Variants in ZNF316 observed in about 807,000 individuals in gnomAD.
ZNF316 encodes the protein zinc finger protein 316.
Under a neutral mutation model 75.6 loss-of-function variants are expected in ZNF316, and 23 were observed. The observed-to-expected ratio is 0.30, with a 90% CI of 0.22 to 0.43. The LOEUF is 0.43. Ranked by LOEUF, ZNF316 falls within the 20% of genes least tolerant of loss-of-function variation. ZNF316 has a pLI of 1.00. For synonymous variants in ZNF316, 827 were observed against 666.2 expected, an observed-to-expected ratio of 1.24 and a Z score of -3.72; for missense variants, 1,266 against 1,409.4, an observed-to-expected ratio of 0.90 and a Z score of 1.63.
intron 8 of ZNF316, among the ~76,000 whole-genome samples, chr7:6,646,622 C>T (rs1483476003): frequency 6.6e-6 from 1 of 151,958 alleles, no homozygotes; most frequent in East Asian, 1.9e-4. Flanking sequence ...TGCCCCCCGG[C>T]CCTGAGTGGG....
Position 6,656,981 on chromosome 7 carries a change from A to G in ZNF316, c.*2370A>G, listed in dbSNP as rs895038822. On this transcript the variant is annotated 3_prime_UTR_variant, in exon 9 of 9. Coordinates refer to ENST00000382252, the MANE Select transcript of ZNF316 (RefSeq NM_001278559.2). Reference sequence around the variant, plus strand: ...GGTCTGAAAAATAAGAACTGCTGTAATCAAATGTGATCTGGAGGCATCAGA... The same window carrying G: ...GGTCTGAAAAATAAGAACTGCTGTAGTCAAATGTGATCTGGAGGCATCAGA... Among the ~76,000 whole-genome samples the G allele has an allele frequency of 3.9e-5, 6 of 152,140 alleles. No homozygotes were observed. The highest frequency in any genetic ancestry group is 8.8e-5 in the Non-Finnish European group (6 of 68,028).
Position 6,654,681 on chromosome 7 carries a change from C to G in ZNF316, c.*70C>G, listed in dbSNP as rs1779586393. 2.7e-6 allele frequency: 3 copies of G among 1,127,430 alleles called. No homozygotes were observed. Among genetic ancestry groups the G allele is most frequent in the South Asian group, 8.8e-5 (2 of 22,834 alleles). The allele number at this position is 1,127,430 out of a possible 1,614,324, so 69.8% of individuals were successfully genotyped here. On this transcript the variant is annotated 3_prime_UTR_variant, in exon 9 of 9. Transcript: ENST00000382252. ...CCTCCCTTGGACGGCCGGCCCCCCGCTCCTCGGGCCCCGGGAGGCTGAGGG... is the reference window on the plus strand; with the variant it reads ...CCTCCCTTGGACGGCCGGCCCCCCGGTCCTCGGGCCCCGGGAGGCTGAGGG...
rs1238714419 is a variant in ZNF316, at chr7:6,639,560, G to T, written c.-167+419G>T. Among the ~76,000 whole-genome samples, 3 of 152,306 alleles carry T rather than the reference G, an allele frequency of 2.0e-5. No homozygotes were observed. Among genetic ancestry groups the T allele is most frequent in the Middle Eastern group, 3.4e-3 (1 of 294 alleles). On this transcript the variant is annotated intron_variant, in intron 3 of 8. Coordinates refer to ENST00000382252, the MANE Select transcript of ZNF316 (RefSeq NM_001278559.2). The surrounding 1 kb of genome is among the most constrained non-coding windows in gnomAD (Gnocchi z 4.2). ...ATAACACACACACGGCCTGAGATGA[G>T]ATGAACATGCAGCCACTTTATTCCA...
Position 6,652,617 on chromosome 7 carries a change from G to C in ZNF316, c.1021G>C (p.Gly341Arg), listed in dbSNP as rs780722010. The change falls in exon 9 of 9, where the codon GGG becomes CGG. Residue 341 changes from glycine (G) to arginine (R), a missense_variant. Coordinates refer to ENST00000382252, the MANE Select transcript of ZNF316 (RefSeq NM_001278559.2). ...AFPAAVAPPA[G>R]RPETTCDVCG... ...CCCCGCCGCAGTGGCCCCGCCGGCCGGGAGGCCGGAGACCACGTGCGACGT... is the reference window on the plus strand; with the variant it reads ...CCCCGCCGCAGTGGCCCCGCCGGCCCGGAGGCCGGAGACCACGTGCGACGT... The C allele has an allele frequency of 2.4e-6, 3 of 1,230,404 alleles. No homozygotes were observed. Among genetic ancestry groups the C allele is most frequent in the Non-Finnish European group, 1.0e-6 (1 of 987,000 alleles). The allele number at this position is 1,230,404 out of a possible 1,614,324, so 76.2% of individuals were successfully genotyped here. A position where few individuals can be genotyped will look rare whatever the true frequency, so the allele number is the denominator to read the frequency against.
chr7:6,646,824 G>A (rs1583443063), intron 8 of ZNF316, among the ~76,000 whole-genome samples: 4 of 152,222 alleles, frequency 2.6e-5, no homozygotes, highest in African/African-American at 9.6e-5. Context: ...TTTCTAGACT[G>A]GAGTCTTGCA....
chr7:6,655,111 C>T lies in ZNF316; in HGVS notation c.*500C>T, dbSNP rs1779597059. The T allele has an allele frequency of 6.6e-6, 1 of 152,212 alleles. No individual in the cohort carries two copies. The highest frequency in any genetic ancestry group is 6.5e-5 in the Admixed American group (1 of 15,280). 9.4% of individuals were successfully genotyped at this position (152,212 alleles called of 1,614,324 possible). A position where few individuals can be genotyped will look rare whatever the true frequency, so the allele number is the denominator to read the frequency against. On this transcript the variant is annotated 3_prime_UTR_variant, in exon 9 of 9. Coordinates refer to ENST00000382252, the MANE Select transcript of ZNF316 (RefSeq NM_001278559.2). ...GAGAGACTTGGGCCCTCCCGGTCAT[C>T]CGAGTCTGTCCCGAAGGTTTAACTG... is the stretch of plus-strand genomic sequence containing the variant.
At chr7:6,651,686 C>A (rs566822759) in intron 8 of ZNF316, among the ~76,000 whole-genome samples, 2 of 152,172 alleles carry the variant, frequency 1.3e-5, no homozygotes, top group South Asian at 4.1e-4. Context: ...TTGCTTGAAC[C>A]CACGAGGTGG....
At position 6,652,337 on chromosome 7, in the gene ZNF316, C is replaced by G. The variant is rs377196265; in HGVS notation, c.741C>G (p.His247Gln). Residue 247 changes from histidine to glutamine, a missense_variant, in exon 9 of 9, where the codon CAC (histidine) becomes CAG (glutamine). Transcript: ENST00000382252. ...TCTGGACGGACGACATAGAGGACCACGAGGAGGAAGACGACGAGGACTTCC... is the reference window on the plus strand; with the variant it reads ...TCTGGACGGACGACATAGAGGACCAGGAGGAGGAAGACGACGAGGACTTCC... ...AWFWTDDIED[H>Q]EEEDDEDFLA... 2 of 1,232,368 alleles carry G rather than the reference C, an allele frequency of 1.6e-6. No homozygotes were observed. The highest frequency in any genetic ancestry group is 3.1e-5 in the African/African-American group (2 of 64,532). 76.3% of individuals were successfully genotyped at this position (1,232,368 alleles called of 1,614,324 possible). A position where few individuals can be genotyped will look rare whatever the true frequency, so the allele number is the denominator to read the frequency against.
chr7:6,645,180 T>C (rs894635356), intron 8 of ZNF316, among the ~76,000 whole-genome samples: 1 of 152,216 alleles, frequency 6.6e-6, no homozygotes, highest in South Asian at 2.1e-4. Context: ...GCCCCCTTTA[T>C]TCATCTGAAG....
At position 6,652,540 on chromosome 7, in the gene ZNF316, C is replaced by T. The variant is rs1779526913; in HGVS notation, c.944C>T (p.Pro315Leu). ...GVLADGSEAK[P>L]FLPGREPGAN... is the part of the protein sequence containing the mutation. The stretch of plus-strand genomic sequence containing the variant: ...CTGGCCGACGGCTCTGAAGCGAAGC[C>T]TTTCCTGCCCGGCCGGGAGCCGGGT... The change falls in exon 9 of 9, where the codon CCT becomes CTT. Residue 315 changes from proline (P) to leucine (L), a missense_variant. This residue lies in a region of ZNF316 where 961 missense variants were observed against 990.9 expected (regional missense o/e 0.97). Coordinates refer to ENST00000382252, the MANE Select transcript of ZNF316 (RefSeq NM_001278559.2). 3.2e-6 allele frequency: 4 copies of T among 1,230,990 alleles called. No homozygotes were observed. The highest frequency in any genetic ancestry group is 4.2e-5 in the Admixed American group (1 of 23,670). The allele number at this position is 1,230,990 out of a possible 1,614,324, so 76.3% of individuals were successfully genotyped here. A position where few individuals can be genotyped will look rare whatever the true frequency, so the allele number is the denominator to read the frequency against.
intron 8 of ZNF316, among the ~76,000 whole-genome samples, chr7:6,647,881 G>C (rs900151249): frequency 6.6e-6 from 1 of 152,196 alleles, no homozygotes; most frequent in African/African-American, 2.4e-5. Context: ...ATGTGGCTGT[G>C]GGGCCACTGT....
chr7:6,648,571 C>T (rs572641392), intron 8 of ZNF316, among the ~76,000 whole-genome samples: 1 of 152,276 alleles, frequency 6.6e-6, no homozygotes, highest in Admixed American at 6.5e-5. Context: ...AGCAGTCCCA[C>T]CAAGTGGATT....
Position 6,654,182 on chromosome 7 carries a change from C to T in ZNF316, c.2586C>T (p.Ala862=), listed in dbSNP as rs889429406. 4.9e-6 allele frequency: 6 copies of T among 1,223,002 alleles called. No homozygotes were observed. Among genetic ancestry groups the T allele is most frequent in the Non-Finnish European group, 6.1e-6 (6 of 981,624 alleles). The allele number at this position is 1,223,002 out of a possible 1,614,324, so 75.8% of individuals were successfully genotyped here. ...CGGGCGAGAAGCCCTTCCGCTGCGC[C>T]GACTGCGGCCGCGGCTTCGCGCAGC... The part of the protein sequence containing the change: ...THTGEKPFRC[A]DCGRGFAQRS... The change falls in exon 9 of 9, where the codon GCC becomes GCT. Residue 862 remains alanine (A), a synonymous_variant. Transcript: ENST00000382252.
chr7:6,656,736 G>A lies in ZNF316; in HGVS notation c.*2125G>A, dbSNP rs965872657. Among the ~76,000 whole-genome samples the A allele has an allele frequency of 3.3e-5, 5 of 152,168 alleles. No homozygotes were observed. The highest frequency in any genetic ancestry group is 2.6e-4 in the Admixed American group (4 of 15,278). On this transcript the variant is annotated 3_prime_UTR_variant, in exon 9 of 9. Transcript: ENST00000382252. Reference sequence around the variant, plus strand: ...CCAGGCTTCCAGAGGCCAGAGTGAGGGGCCAGGTACCCTTCGTGGTGGTCC... The same window carrying A: ...CCAGGCTTCCAGAGGCCAGAGTGAGAGGCCAGGTACCCTTCGTGGTGGTCC...
intron 8 of ZNF316, 77 bp downstream of exon 8, chr7:6,644,670 T>A (rs1779368987): frequency 1.3e-6 from 1 of 768,362 alleles, no homozygotes. Flanking sequence ...TTCACTGCGC[T>A]CTCTGCAGAC....
At chr7:6,645,478 G>A (rs1779384803) in intron 8 of ZNF316, among the ~76,000 whole-genome samples, 1 of 151,766 alleles carries the variant, frequency 6.6e-6, no homozygotes, top group South Asian at 2.1e-4. Context: ...GAGGTCAGGA[G>A]TTTGAGACCA....
rs1779282838 is a variant in ZNF316, at chr7:6,639,912, G to A, written c.-167+771G>A. The stretch of plus-strand genomic sequence containing the variant: ...GCATCTTCACACGCCAAAGAGCTGT[G>A]GACACTGAGAAGGTTGGCTTCTGGG... On this transcript the variant is annotated intron_variant, in intron 3 of 8. Transcript: ENST00000382252. The surrounding 1 kb of genome is among the most constrained non-coding windows in gnomAD (Gnocchi z 4.2). 6.6e-6 allele frequency among the ~76,000 whole-genome samples: 1 copy of A among 152,178 alleles called. No homozygotes were observed. Among genetic ancestry groups the A allele is most frequent in the African/African-American group, 2.4e-5 (1 of 41,440 alleles).
rs911045431 is a variant in ZNF316 at position 6,654,703 on chromosome 7, A to C, written c.*92A>C. ...CCGCTCCTCGGGCCCCGGGAGGCTG[A>C]GGGTCCCAGTCCTGGGTGCGGTGCC... is the stretch of plus-strand genomic sequence containing the variant. On this transcript the variant is annotated 3_prime_UTR_variant, in exon 9 of 9. Transcript: ENST00000382252. 3 of 1,068,662 alleles carry C rather than the reference A, an allele frequency of 2.8e-6. No homozygotes were observed. The African/African-American group carries it at 5.1e-5, about 18-fold the overall frequency. 66.2% of individuals were successfully genotyped at this position (1,068,662 alleles called of 1,614,324 possible).
Position 6,640,751 on chromosome 7 carries a change from T to C in ZNF316, c.-166-1074T>C, listed in dbSNP as rs547259461. Among the ~76,000 whole-genome samples, 14 of 152,302 alleles carry C rather than the reference T, an allele frequency of 9.2e-5. No individual in the cohort carries two copies. Among genetic ancestry groups the C allele is most frequent in the African/African-American group, 3.1e-4 (13 of 41,584 alleles). On this transcript the variant is annotated intron_variant, in intron 3 of 8. Transcript: ENST00000382252. The surrounding 1 kb of genome is among the most constrained non-coding windows in gnomAD (Gnocchi z 5.1). Reference sequence around the variant, plus strand: ...GGCCTGGTGGGAGGGGATTGGCCCATGGAGGCGGATCCCTCATGAATGGTC... The same window carrying C: ...GGCCTGGTGGGAGGGGATTGGCCCACGGAGGCGGATCCCTCATGAATGGTC...
Sources: allele counts gnomAD v4.1 joint callset (sites outside exome capture counted in the v4.1 genomes callset), GRCh38; gene constraint gnomAD v4.1.1; regional missense constraint gnomAD v4.1.1; non-coding constraint Gnocchi (gnomAD v3.1); transcripts MANE v1.5; gene names NCBI Gene and HGNC (gene_info 2026-07-23, HGNC 2026-07-21).